The following EFCAB6 variants were observed in gnomAD, a reference collection of about 807,000 sequenced individuals.
EFCAB6 encodes the protein EF-hand calcium binding domain 6, also known as EF-hand calcium-binding domain-containing protein 6.
Under a neutral mutation model 169.8 loss-of-function variants are expected in EFCAB6, and 156 were observed. That is an observed-to-expected ratio of 0.92 (90% CI 0.81 to 1.05). The LOEUF is 1.05. EFCAB6 is among the 50% of genes least tolerant of loss of function. EFCAB6 has a pLI of 0.00. For synonymous variants in EFCAB6, 698 were observed against 676.4 expected (o/e 1.03, Z -0.50); for missense variants, 1,800 against 1,829.1 (o/e 0.98, Z 0.29).
intron 23 of EFCAB6, among the ~76,000 whole-genome samples, chr22:43,596,831 C>T (rs1376522484): frequency 8.5e-5 from 13 of 152,120 alleles, no homozygotes; most frequent in Non-Finnish European, 1.8e-4. Context: ...AGAGGCATCA[C>T]GCTACCTGAT....
At chr22:43,549,151 G>C (rs2048243972) in intron 27 of EFCAB6, among the ~76,000 whole-genome samples, 1 of 152,108 alleles carries the variant, frequency 6.6e-6, no homozygotes, top group African/African-American at 2.4e-5. Flanking sequence ...ACTTTTAAAT[G>C]CTCATTAAGA....
chr22:43,546,186 T>C (rs1306523305), intron 27 of EFCAB6, among the ~76,000 whole-genome samples: 3 of 152,198 alleles, frequency 2.0e-5, no homozygotes, highest in African/African-American at 4.8e-5. Flanking sequence ...TCAGACTTTT[T>C]TTTCATTTAA....
chr22:43,712,037 G>T (rs912026285), intron 9 of EFCAB6, among the ~76,000 whole-genome samples: 3 of 152,152 alleles, frequency 2.0e-5, no homozygotes, highest in Non-Finnish European at 4.4e-5. Context: ...ATTAAAAATA[G>T]AAGTAGCTTT....
intron 10 of EFCAB6, among the ~76,000 whole-genome samples, chr22:43,709,184 C>G (rs956980815): frequency 6.6e-6 from 1 of 152,086 alleles, no homozygotes; most frequent in African/African-American, 2.4e-5. Context: ...TGGGTTCAAG[C>G]GATTCTCCTG....
chr22:43,724,654 G>A (rs769145878), intron 8 of EFCAB6, among the ~76,000 whole-genome samples: 7 of 152,094 alleles, frequency 4.6e-5, no homozygotes, highest in Non-Finnish European at 8.8e-5. Context: ...ACAGGCATGA[G>A]CCACCGTGCC....
chr22:43,792,323 T>G (rs964088206), intron 2 of EFCAB6, among the ~76,000 whole-genome samples: 1 of 152,090 alleles, frequency 6.6e-6, no homozygotes, highest in Non-Finnish European at 1.5e-5. Flanking sequence ...GCAGCACAGG[T>G]AGGCAAAAAG....
chr22:43,789,554 A>C (rs971632865), intron 2 of EFCAB6, among the ~76,000 whole-genome samples: 1 of 152,208 alleles, frequency 6.6e-6, no homozygotes, highest in Non-Finnish European at 1.5e-5. Flanking sequence ...ACCATCAGCC[A>C]GGCTCACGCC....
At position 43,537,338 on chromosome 22, in the gene EFCAB6, C is replaced by A; in HGVS notation, c.4048+39G>T. 1 of 1,604,972 alleles carries A rather than the reference C, an allele frequency of 6.2e-7. No individual in the cohort carries two copies. Among genetic ancestry groups the A allele is most frequent in the South Asian group, 1.1e-5 (1 of 89,818 alleles). ...TGGGAACAGCCTCTTGCCACAGGGG[C>A]TGACCACATATTACCAAGCAGATAG... On this transcript the variant is annotated intron_variant, in intron 29 of 31. Coordinates refer to ENST00000262726, the MANE Select transcript of EFCAB6 (RefSeq NM_022785.4). This position sits in a 1 kb window ranked among gnomAD's most constrained non-coding sequence, Gnocchi z 4.3.
intron 17 of EFCAB6, among the ~76,000 whole-genome samples, chr22:43,646,910 T>A (rs187924696): frequency 6.6e-6 from 1 of 152,358 alleles, no homozygotes; most frequent in East Asian, 1.9e-4. Context: ...TATGGCAATA[T>A]GCATTAAACA....
At chr22:43,643,828 CTT>C (rs928737372) in intron 17 of EFCAB6, among the ~76,000 whole-genome samples, 10 of 145,950 alleles carry the variant, frequency 6.9e-5, no homozygotes, top group African/African-American at 7.5e-5. Context: ...AGCATTTGTT[CTT>C]TTTTTTTTTT....
In EFCAB6 at chr22:43,629,740, C is replaced by T. The variant is rs969690752; in HGVS notation, c.2232+2365G>A. Among the ~76,000 whole-genome samples the T allele has an allele frequency of 4.6e-5, 7 of 151,876 alleles. No individual in the cohort carries two copies. In the South Asian group the frequency reaches 6.3e-4, roughly 14 times the overall value. Reference sequence around the variant, plus strand: ...AGGAGTCCACTGGTCAAAGGGGAGGCGCCATCCAAGCAAAGGAACAGAATG... The same window carrying T: ...AGGAGTCCACTGGTCAAAGGGGAGGTGCCATCCAAGCAAAGGAACAGAATG... On this transcript the variant is annotated intron_variant, in intron 19 of 31. Coordinates refer to ENST00000262726, the MANE Select transcript of EFCAB6 (RefSeq NM_022785.4).
intron 11 of EFCAB6, among the ~76,000 whole-genome samples, chr22:43,684,910 T>C (rs1445114107): frequency 6.6e-6 from 1 of 151,896 alleles, no homozygotes. Flanking sequence ...ACTAGATCAG[T>C]GCAGGTTTGG....
chr22:43,629,031 G>C (rs898202303), intron 19 of EFCAB6, among the ~76,000 whole-genome samples: 10 of 152,174 alleles, frequency 6.6e-5, no homozygotes, highest in Admixed American at 5.2e-4. Context: ...CTGCAACGTG[G>C]GCCCTGACAC....
chr22:43,730,253 AGGAGGAAAG>A (rs2059895040), intron 8 of EFCAB6, among the ~76,000 whole-genome samples: 2 of 93,794 alleles, frequency 2.1e-5, no homozygotes, highest in Non-Finnish European at 2.2e-5. Context: ...GAAGGAGGGA[AGGAGGAAAG>A]GGAGCGAGGG....
intron 26 of EFCAB6, among the ~76,000 whole-genome samples, chr22:43,556,908 T>C (rs1050732200): frequency 2.0e-5 from 3 of 152,232 alleles, no homozygotes; most frequent in African/African-American, 4.8e-5. Flanking sequence ...ATCTTTAGGA[T>C]TCAAACAGTT....
intron 6 of EFCAB6, among the ~76,000 whole-genome samples, chr22:43,741,458 AC>A (rs2060367759): frequency 6.6e-6 from 1 of 151,586 alleles, no homozygotes. Context: ...GGCCTTCCTC[AC>A]TCGCTTACTT....
chr22:43,586,366 T>TTTTTTTTTTTTG (rs2051071123), intron 24 of EFCAB6, among the ~76,000 whole-genome samples: 1 of 125,368 alleles, frequency 8.0e-6, no homozygotes, highest in African/African-American at 3.1e-5. Context: ...TTTTTTTTTT[T>TTTTTTTTTTTTG]GTGACGTGGT....
intron 24 of EFCAB6, among the ~76,000 whole-genome samples, chr22:43,589,280 CAA>C (rs1163346832): frequency 7.2e-4 from 58 of 80,934 alleles, no homozygotes; most frequent in Admixed American, 9.4e-4. Context: ...GACTTCATGT[CAA>C]AAAAAAAAAA....
At chr22:43,710,650 T>G (rs1320906443) in intron 10 of EFCAB6, among the ~76,000 whole-genome samples, 1 of 152,168 alleles carries the variant, frequency 6.6e-6, no homozygotes, top group Non-Finnish European at 1.5e-5. Context: ...GAAGAAATGA[T>G]AGACACAGAA....
Sources: gnomAD v4.1 joint callset for allele counts (sites outside exome capture counted in the v4.1 genomes callset) on GRCh38, gnomAD v4.1.1 for gene constraint, Gnocchi (gnomAD v3.1) non-coding constraint, MANE v1.5 for transcripts, NCBI Gene and HGNC (gene_info 2026-07-23, HGNC 2026-07-21) for gene names.